Variants in TMTC2 observed in about 807,000 individuals in gnomAD.
The protein encoded by TMTC2 is transmembrane O-mannosyltransferase targeting cadherins 2.
Under a neutral mutation model 82.4 loss-of-function variants are expected in TMTC2, and 43 were observed. The ratio of observed to expected loss-of-function variants is 0.52; its 90% CI spans 0.41 to 0.67. TMTC2 has a LOEUF of 0.67. Among genes scored for constraint, TMTC2 ranks in the 30% least tolerant of loss-of-function variants. TMTC2 has a pLI of 0.00. For synonymous variants in TMTC2, 408 were observed against 381.9 expected, an observed-to-expected ratio of 1.07 and a Z score of -0.80; for missense variants, 919 against 1,012.4, an observed-to-expected ratio of 0.91 and a Z score of 1.25.
At chr12:83,023,215 A>AT (rs1185856355) in intron 8 of TMTC2, among the ~76,000 whole-genome samples, 1 of 152,160 alleles carries the variant, frequency 6.6e-6, no homozygotes, top group Non-Finnish European at 1.5e-5. Flanking sequence ...TATTTGGGAA[A>AT]TTTTTTAATA....
At chr12:83,078,974 T>G (rs1244361455) in intron 11 of TMTC2, among the ~76,000 whole-genome samples, 1 of 152,074 alleles carries the variant, frequency 6.6e-6, no homozygotes. Flanking sequence ...GAATGCTGAC[T>G]TTTAAAGAGA....
intron 1 of TMTC2, among the ~76,000 whole-genome samples, chr12:82,807,584 G>T (rs529670678): frequency 6.6e-6 from 1 of 152,204 alleles, no homozygotes; most frequent in South Asian, 2.1e-4. Context: ...TGGAAATAAG[G>T]TCCCATAAAT....
rs1871898627 is a variant in TMTC2 at position 82,866,967 on chromosome 12, T to G, written c.654+9387T>G. Among the ~76,000 whole-genome samples the G allele has an allele frequency of 2.0e-5, 3 of 152,352 alleles. No individual in the cohort carries two copies. The South Asian group carries it at 6.2e-4, about 32-fold the overall frequency. On this transcript the variant is annotated intron_variant, in intron 2 of 11. Coordinates refer to ENST00000321196, the MANE Select transcript of TMTC2 (RefSeq NM_152588.3). ...GTTGCATAGGATTATAAGTTTTATT[T>G]TATTTTAAACAATCAGATTTTGTAC...
chr12:82,849,574 TC>T (rs904753352), intron 1 of TMTC2, among the ~76,000 whole-genome samples: 3 of 152,162 alleles, frequency 2.0e-5, no homozygotes, highest in African/African-American at 7.2e-5. Flanking sequence ...ATGATGATAT[TC>T]AATGATGAGA....
Position 82,895,919 on chromosome 12 carries a change from C to T in TMTC2, c.756C>T (p.Ser252=). The change falls in exon 3 of 12, where the codon AGC becomes AGT. Residue 252 remains serine (S), a synonymous_variant. Transcript: ENST00000321196. ...ACTGGATGGGAAACAAACCACCAAG[C>T]TTTTCCAACTCGGACAACCCCGCTG... ...RLYWMGNKPP[S]FSNSDNPAAD... is the part of the protein sequence containing the mutation. The T allele has an allele frequency of 1.2e-6, 2 of 1,613,982 alleles. No individual in the cohort carries two copies. Among genetic ancestry groups the T allele is most frequent in the South Asian group, 2.2e-5 (2 of 91,066 alleles).
intron 2 of TMTC2, among the ~76,000 whole-genome samples, chr12:82,881,697 G>C (rs115351894): frequency 0.016 from 2,506 of 152,236 alleles, 75 homozygotes; most frequent in African/African-American, 0.057. Context: ...GCTTATTACT[G>C]TAAAGTTAGT....
At chr12:82,754,263 G>T (rs1379881715) in intron 1 of TMTC2, among the ~76,000 whole-genome samples, 1 of 152,032 alleles carries the variant, frequency 6.6e-6, no homozygotes, top group Non-Finnish European at 1.5e-5. Context: ...AATTCACTGA[G>T]TTAAGAAAAC....
chr12:82,818,763 G>A (rs1868898613), intron 1 of TMTC2, among the ~76,000 whole-genome samples: 1 of 152,010 alleles, frequency 6.6e-6, no homozygotes, highest in South Asian at 2.1e-4. Context: ...ATTTTATGTT[G>A]ACATGGGGCT....
chr12:82,957,055 C>T (rs1394687524), intron 4 of TMTC2, among the ~76,000 whole-genome samples: 2 of 152,102 alleles, frequency 1.3e-5, no homozygotes, highest in East Asian at 3.9e-4. Context: ...ATAGAATACG[C>T]TACCAATAAA....
At chr12:83,104,016 G>T (rs1262074232) in intron 11 of TMTC2, among the ~76,000 whole-genome samples, 2 of 152,224 alleles carry the variant, frequency 1.3e-5, no homozygotes, top group Non-Finnish European at 2.9e-5. Context: ...TGCAAGTTCA[G>T]ACCCCAGCAG....
chr12:83,009,392 A>C (rs1226127608), intron 8 of TMTC2, among the ~76,000 whole-genome samples: 3 of 152,220 alleles, frequency 2.0e-5, no homozygotes, highest in African/African-American at 4.8e-5. Flanking sequence ...GCCTCCAGCA[A>C]GTTGTCAAAA....
intron 3 of TMTC2, among the ~76,000 whole-genome samples, chr12:82,917,506 C>G (rs970703913): frequency 1.3e-5 from 2 of 151,994 alleles, no homozygotes; most frequent in Non-Finnish European, 2.9e-5. Flanking sequence ...ATAGTACAAA[C>G]TGGATGATAA....
intron 10 of TMTC2, among the ~76,000 whole-genome samples, chr12:83,054,776 GTAGA>G (rs968921966): frequency 4.1e-4 from 63 of 151,880 alleles, no homozygotes; most frequent in African/African-American, 1.4e-3. Flanking sequence ...AGAGCATAGA[GTAGA>G]TAAAGAATTA....
chr12:83,006,947 G>T (rs1229550398), intron 8 of TMTC2, among the ~76,000 whole-genome samples: 1 of 152,086 alleles, frequency 6.6e-6, no homozygotes, highest in Admixed American at 6.6e-5. Flanking sequence ...ATGGGGTCGG[G>T]GGCTGGGGGA....
chr12:82,999,191 A>G (rs778863380), intron 8 of TMTC2, among the ~76,000 whole-genome samples: 6 of 152,050 alleles, frequency 3.9e-5, no homozygotes, highest in Non-Finnish European at 7.3e-5. Flanking sequence ...AGTTTCTCAG[A>G]CTTATTTTTA....
intron 4 of TMTC2, among the ~76,000 whole-genome samples, chr12:82,939,767 A>G (rs189072739): frequency 3.3e-5 from 5 of 152,208 alleles, no homozygotes; most frequent in African/African-American, 9.6e-5. Flanking sequence ...CTACTATGAT[A>G]TGTAGGAAAT....
chr12:83,006,271 T>G (rs1880199991), intron 8 of TMTC2, among the ~76,000 whole-genome samples: 1 of 152,182 alleles, frequency 6.6e-6, no homozygotes, highest in Non-Finnish European at 1.5e-5. Flanking sequence ...CTCTTAGTGT[T>G]TTCTCCCAAA....
At chr12:82,822,891 CA>C (rs1405089341) in intron 1 of TMTC2, among the ~76,000 whole-genome samples, 1 of 152,144 alleles carries the variant, frequency 6.6e-6, no homozygotes, top group East Asian at 1.9e-4. Flanking sequence ...TCTGATGTAA[CA>C]AATTTTCCTC....
chr12:82,884,902 T>C (rs539507712), intron 2 of TMTC2, among the ~76,000 whole-genome samples: 1 of 152,242 alleles, frequency 6.6e-6, no homozygotes, highest in African/African-American at 2.4e-5. Context: ...TTTTTGTTTA[T>C]TTTCTGATTG....
Sources: gnomAD v4.1 joint callset for allele counts (sites outside exome capture counted in the v4.1 genomes callset) on GRCh38, gnomAD v4.1.1 for gene constraint, MANE v1.5 for transcripts, NCBI Gene and HGNC (gene_info 2026-07-23, HGNC 2026-07-21) for gene names.